BTG4: variants seen among roughly 807,000 people sequenced by gnomAD.
BTG4 encodes the protein protein BTG4.
Under a neutral mutation model 19.3 loss-of-function variants are expected in BTG4, and 10 were observed. The ratio of observed to expected loss-of-function variants is 0.52; its 90% CI spans 0.32 to 0.88. The LOEUF is 0.88. BTG4 is among the 40% of genes least tolerant of loss of function. The pLI, the probability that BTG4 is intolerant of heterozygous loss-of-function variation, is 0.04. For missense variants in BTG4, 238 were observed against 281.9 expected (o/e 0.84, Z 1.11); for synonymous variants, 91 against 95.7 (o/e 0.95, Z 0.29).
intron 5 of BTG4, among the ~76,000 whole-genome samples, chr11:111,481,979 A>G (rs527902257): frequency 1.4e-4 from 22 of 152,066 alleles, no homozygotes; most frequent in South Asian, 2.1e-4. Flanking sequence ...CATGAAAAGC[A>G]CAAAAAAAAG....
chr11:111,415,617 A>G, the BTG4 span, among the ~76,000 whole-genome samples: 1 of 152,134 alleles, frequency 6.6e-6, no homozygotes, highest in Non-Finnish European at 1.5e-5. Context: ...GCCTTTCCCA[A>G]TGGTGAGCCC....
intron 1 of BTG4, among the ~76,000 whole-genome samples, chr11:111,509,700 A>C (rs1159973806): frequency 2.6e-5 from 4 of 151,896 alleles, no homozygotes; most frequent in Non-Finnish European, 4.4e-5. Flanking sequence ...CCATCTCAAA[A>C]AAAAACAAAA....
upstream of BTG4, chr11:111,513,603 TATTA>T: frequency 2.3e-6 from 1 of 426,416 alleles, no homozygotes; most frequent in Non-Finnish European, 4.9e-6. Flanking sequence ...ATCCATTGCC[TATTA>T]ATTGCTCAGC....
intron 3 of BTG4, 99 bp downstream of exon 3, chr11:111,497,899 C>T: frequency 7.4e-7 from 1 of 1,354,154 alleles, no homozygotes. Context: ...CTGCTGCCAA[C>T]TCAAGGCTTT....
chr11:111,421,837 A>T, the BTG4 span, among the ~76,000 whole-genome samples: 16 of 152,092 alleles, frequency 1.1e-4, no homozygotes, highest in African/African-American at 3.9e-4. Flanking sequence ...CGCTTGAACC[A>T]GGGCAGCAGA....
exon 6 of BTG4, chr11:111,467,633 T>C: frequency 1.3e-6 from 1 of 763,164 alleles, no homozygotes. Context: ...CAAGGTGCCT[T>C]CTTCTACCAG....
chr11:111,489,078 C>T lies in BTG4; in HGVS notation c.662+6085G>A, dbSNP rs143004690. ...GAAATCACTTGAACCCAGAAGCAGA[C>T]GTTGTGGCGAACTGAGGTCATGCCA... On this transcript the variant is annotated intron_variant, in intron 5 of 5. Coordinates refer to the BTG4 transcript ENST00000356018. Among the ~76,000 whole-genome samples the T allele has an allele frequency of 3.3e-5, 5 of 151,368 alleles. No homozygotes were observed. The East Asian group carries it at 5.9e-4, about 18-fold the overall frequency.
intron 1 of BTG4, among the ~76,000 whole-genome samples, chr11:111,502,354 C>T (rs909504592): frequency 2.0e-5 from 3 of 152,088 alleles, no homozygotes; most frequent in African/African-American, 7.2e-5. Context: ...TAACGTGCAG[C>T]AAAAGTGGAA....
intron 5 of BTG4, among the ~76,000 whole-genome samples, chr11:111,483,862 C>T (rs1008565475): frequency 5.3e-5 from 8 of 151,964 alleles, no homozygotes; most frequent in African/African-American, 1.9e-4. Flanking sequence ...ACATGAATAT[C>T]CAAGTACAAG....
At chr11:111,478,749 A>C (rs1864549236) in intron 5 of BTG4, among the ~76,000 whole-genome samples, 1 of 152,152 alleles carries the variant, frequency 6.6e-6, no homozygotes, top group Non-Finnish European at 1.5e-5. Context: ...GCTCAACAGT[A>C]AAACGGAAGA....
the BTG4 span, among the ~76,000 whole-genome samples, chr11:111,384,465 T>C: frequency 8.5e-5 from 13 of 152,148 alleles, no homozygotes; most frequent in Admixed American, 3.3e-4. Context: ...AGAATATATT[T>C]ATAGCTAAGG....
the BTG4 span, among the ~76,000 whole-genome samples, chr11:111,423,865 T>C: frequency 2.6e-5 from 4 of 152,008 alleles, no homozygotes; most frequent in Non-Finnish European, 4.4e-5. Flanking sequence ...CGAAAGGACA[T>C]TGGAACCAGG....
the BTG4 span, among the ~76,000 whole-genome samples, chr11:111,409,390 T>C: frequency 6.6e-6 from 1 of 152,110 alleles, no homozygotes. Context: ...CTCAAGGCAA[T>C]GGGTGAGTTC....
chr11:111,425,770 G>A, the BTG4 span, among the ~76,000 whole-genome samples: 6 of 152,164 alleles, frequency 3.9e-5, no homozygotes, highest in Non-Finnish European at 8.8e-5. Flanking sequence ...AGTGGCTGAC[G>A]CCTATAATCG....
At chr11:111,476,466 T>G (rs767237409) in intron 5 of BTG4, among the ~76,000 whole-genome samples, 4 of 152,092 alleles carry the variant, frequency 2.6e-5, no homozygotes, top group African/African-American at 9.7e-5. Flanking sequence ...AGATTTACAA[T>G]TAAGTTAAAC....
chr11:111,436,689 C>T, the BTG4 span, among the ~76,000 whole-genome samples: 1 of 151,904 alleles, frequency 6.6e-6, no homozygotes, highest in African/African-American at 2.4e-5. Context: ...GGGGTCCAGG[C>T]AGACATGGGT....
At chr11:111,475,416 T>A (rs1367643853) in intron 5 of BTG4, 1 of 152,138 alleles carries the variant, frequency 6.6e-6, no homozygotes, top group Non-Finnish European at 1.5e-5. Flanking sequence ...TATATGTCAT[T>A]ATTCAATCAG....
chr11:111,465,131 G>A (rs562821582), downstream of BTG4, among the ~76,000 whole-genome samples: 1 of 152,182 alleles, frequency 6.6e-6, no homozygotes, highest in Non-Finnish European at 1.5e-5. Flanking sequence ...GAAGTCAAGA[G>A]AGCACGTGGC....
downstream of BTG4, among the ~76,000 whole-genome samples, chr11:111,490,529 C>T (rs1865353380): frequency 6.6e-6 from 1 of 152,078 alleles, no homozygotes; most frequent in Non-Finnish European, 1.5e-5. Flanking sequence ...GACAAAGCAC[C>T]AGTGTCTAGA....
Sources: allele counts gnomAD v4.1 joint callset (sites outside exome capture counted in the v4.1 genomes callset), GRCh38; gene constraint gnomAD v4.1.1; transcripts MANE v1.5; gene names NCBI Gene and HGNC (gene_info 2026-07-23, HGNC 2026-07-21).